Variants in MACROD2 observed in about 807,000 individuals in gnomAD.
MACROD2 encodes ADP-ribose glycohydrolase MACROD2.
MACROD2 carries 36 observed loss-of-function variants against 70.4 expected under a neutral mutation model. The ratio of observed to expected loss-of-function variants is 0.51; its 90% confidence interval spans 0.39 to 0.68. The LOEUF (loss-of-function observed/expected upper bound fraction) is 0.68. Ranked by LOEUF, MACROD2 falls within the 30% of genes least tolerant of loss-of-function variation. The pLI is 0.00. For synonymous variants in MACROD2, 172 were observed against 178.8 expected (o/e 0.96, Z 0.30); for missense variants, 496 against 538.4 (o/e 0.92, Z 0.78).
chr20:15,364,158 TA>T (rs1050874635), intron 6 of MACROD2, among the ~76,000 whole-genome samples: 1 of 152,226 alleles, frequency 6.6e-6, no homozygotes, highest in Admixed American at 6.5e-5. Flanking sequence ...GTATTCTTCA[TA>T]AAACAACCAA....
chr20:14,437,304 G>A (rs1805892454), intron 3 of MACROD2, among the ~76,000 whole-genome samples: 1 of 151,848 alleles, frequency 6.6e-6, no homozygotes, highest in Non-Finnish European at 1.5e-5. Context: ...TTTTAAAAAG[G>A]GTTTCTTGGG....
intron 8 of MACROD2, among the ~76,000 whole-genome samples, chr20:15,551,425 A>G (rs1041532447): frequency 6.7e-6 from 1 of 149,962 alleles, no homozygotes; most frequent in Admixed American, 6.6e-5. Flanking sequence ...TTATCATATT[A>G]TTATTTTACC....
At chr20:15,511,358 T>C (rs1482970852) in intron 8 of MACROD2, among the ~76,000 whole-genome samples, 1 of 152,212 alleles carries the variant, frequency 6.6e-6, no homozygotes, top group African/African-American at 2.4e-5. Flanking sequence ...TGCATTGATG[T>C]GATGCTAAGA....
At chr20:15,365,590 G>A (rs543799367) in intron 6 of MACROD2, among the ~76,000 whole-genome samples, 1 of 151,966 alleles carries the variant, frequency 6.6e-6, no homozygotes, top group South Asian at 2.1e-4. Flanking sequence ...GAACCCAAGA[G>A]GCAGAGGTTG....
At chr20:15,060,745 G>A (rs1601013991) in intron 5 of MACROD2, among the ~76,000 whole-genome samples, 1 of 152,202 alleles carries the variant, frequency 6.6e-6, no homozygotes, top group African/African-American at 2.4e-5. Context: ...TGCCATCAAA[G>A]TGTCTAGCTC....
intron 4 of MACROD2, among the ~76,000 whole-genome samples, chr20:14,627,612 C>T (rs1174299739): frequency 7.2e-5 from 11 of 152,214 alleles, no homozygotes; most frequent in African/African-American, 2.4e-4. Context: ...AAACTTAGAA[C>T]TTTGTCCCCA....
At chr20:14,475,731 C>T (rs975385282) in intron 3 of MACROD2, among the ~76,000 whole-genome samples, 1 of 152,138 alleles carries the variant, frequency 6.6e-6, no homozygotes, top group Non-Finnish European at 1.5e-5. Flanking sequence ...TTTGGGCCTA[C>T]AAGGTTCCTC....
At chr20:14,821,380 G>A (rs2072842779) in intron 5 of MACROD2, among the ~76,000 whole-genome samples, 1 of 151,854 alleles carries the variant, frequency 6.6e-6, no homozygotes, top group Admixed American at 6.6e-5. Flanking sequence ...AGAGAGTTTG[G>A]TCAGATAAAG....
rs374841560 is a variant in MACROD2, at chr20:15,170,139, T to C, written c.419-59801T>C. ...ATTCAAAACTCAACAACTCTTTAGG[T>C]TAGCTTGCTAATTTATAACTATCTA... On this transcript the variant is annotated intron_variant, in intron 5 of 17. Transcript: ENST00000684519. 2.0e-5 allele frequency among the ~76,000 whole-genome samples: 3 copies of C among 152,328 alleles called. No homozygotes were observed. In the East Asian group the frequency reaches 5.8e-4, roughly 29 times the overall value.
At chr20:15,814,434 C>A (rs1276493423) in intron 8 of MACROD2, among the ~76,000 whole-genome samples, 1 of 152,200 alleles carries the variant, frequency 6.6e-6, no homozygotes, top group African/African-American at 2.4e-5. Flanking sequence ...TTATACACCA[C>A]ATCTCAGAGC....
At chr20:15,358,843 A>G (rs904086776) in intron 6 of MACROD2, among the ~76,000 whole-genome samples, 12 of 151,986 alleles carry the variant, frequency 7.9e-5, no homozygotes, top group African/African-American at 2.7e-4. Context: ...TAATTCCAAC[A>G]TGAATGTGCC....
chr20:15,632,747 C>T (rs781640913), intron 8 of MACROD2, among the ~76,000 whole-genome samples: 21 of 152,050 alleles, frequency 1.4e-4, no homozygotes, highest in Non-Finnish European at 2.2e-4. Context: ...TAAAACAACA[C>T]GATTATTTAT....
intron 11 of MACROD2, among the ~76,000 whole-genome samples, chr20:15,936,420 CTATA>C (rs997739120): frequency 1.0e-4 from 15 of 147,256 alleles, no homozygotes; most frequent in South Asian, 2.1e-4. Context: ...ATATGAAAAA[CTATA>C]TATATACTAT....
At chr20:15,102,507 ATTAG>A (rs1422241120) in intron 5 of MACROD2, among the ~76,000 whole-genome samples, 3 of 152,020 alleles carry the variant, frequency 2.0e-5, no homozygotes, top group Non-Finnish European at 4.4e-5. Flanking sequence ...GACCTGACAT[ATTAG>A]TTAGTCATGA....
At chr20:14,595,009 A>G (rs907898050) in intron 4 of MACROD2, among the ~76,000 whole-genome samples, 3 of 152,194 alleles carry the variant, frequency 2.0e-5, no homozygotes, top group African/African-American at 7.2e-5. Context: ...ATAAATATAT[A>G]CATAGAAATA....
chr20:15,460,647 G>A (rs1425127975), intron 7 of MACROD2, among the ~76,000 whole-genome samples: 3 of 152,038 alleles, frequency 2.0e-5, no homozygotes, highest in Non-Finnish European at 4.4e-5. Context: ...CTCCCCTTAT[G>A]CCTTTTCAGC....
In MACROD2 at chr20:15,000,390, G is replaced by A. The variant is rs574485883; in HGVS notation, c.419-229550G>A. Among the ~76,000 whole-genome samples, 22 of 130,534 alleles carry A rather than the reference G, an allele frequency of 1.7e-4. 1 individual carries two copies. The South Asian group carries it at 4.2e-3, about 25-fold the overall frequency. 85.6% of individuals were successfully genotyped at this position (130,534 alleles called of 152,430 possible). A position where few individuals can be genotyped will look rare whatever the true frequency, so the allele number is the denominator to read the frequency against. Reference sequence around the variant, plus strand: ...TGTAGTCCCAGCACTTTGGGAGGCCGAGGCGGGTGGATCATGAGGTCAGGA... The same window carrying A: ...TGTAGTCCCAGCACTTTGGGAGGCCAAGGCGGGTGGATCATGAGGTCAGGA... On this transcript the variant is annotated intron_variant, in intron 5 of 17. Transcript: ENST00000684519.
chr20:14,532,796 G>T (rs752767213), intron 4 of MACROD2, among the ~76,000 whole-genome samples: 40 of 152,170 alleles, frequency 2.6e-4, no homozygotes, highest in Non-Finnish European at 5.1e-4. Flanking sequence ...CTGAATTAAT[G>T]ATGTGAACTT....
chr20:15,511,538 A>G (rs1364438465), intron 8 of MACROD2, among the ~76,000 whole-genome samples: 2 of 152,204 alleles, frequency 1.3e-5, no homozygotes, highest in African/African-American at 2.4e-5. Flanking sequence ...TCAGTTTACA[A>G]CATAAGGCCT....
Sources: gnomAD v4.1 joint callset for allele counts (sites outside exome capture counted in the v4.1 genomes callset) on GRCh38, gnomAD v4.1.1 for gene constraint, MANE v1.5 for transcripts, NCBI Gene and HGNC (gene_info 2026-07-23, HGNC 2026-07-21) for gene names.